Variants in ZYG11B observed in about 807,000 individuals in gnomAD.
ZYG11B encodes protein zyg-11 homolog B.
ZYG11B carries 36 observed loss-of-function variants against 82.4 expected under a neutral mutation model. The ratio of observed to expected loss-of-function variants is 0.44; its 90% CI spans 0.33 to 0.58. The LOEUF (loss-of-function observed/expected upper bound fraction) is 0.58. Ranked by LOEUF, ZYG11B falls within the 20% of genes least tolerant of loss-of-function variation. The pLI is 0.02. For missense variants in ZYG11B, 552 were observed against 895.6 expected (o/e 0.62, Z 4.90); for synonymous variants, 303 against 312.8 (o/e 0.97, Z 0.33).
In ZYG11B at chr1:52,811,048, A is replaced by AT. The variant is rs1162388077; in HGVS notation, c.1696-2488_1696-2487insT. Among the ~76,000 whole-genome samples, 147 of 109,432 alleles carry AT rather than the reference A, an allele frequency of 1.3e-3. 4 individuals are homozygous for AT. In the East Asian group the frequency reaches 0.085, roughly 63 times the overall value. 71.8% of individuals were successfully genotyped at this position (109,432 alleles called of 152,430 possible). On this transcript the variant is annotated intron_variant, in intron 10 of 13. Coordinates refer to ENST00000294353, the MANE Select transcript of ZYG11B (RefSeq NM_024646.3). ...GGCTCCGTCTCAAAAAAAAAAAAAA[A>AT]AAAAGAGAAATTTATCTTTCATATT...
chr1:52,752,972 T>C (rs938594546), intron 1 of ZYG11B, among the ~76,000 whole-genome samples: 8 of 152,002 alleles, frequency 5.3e-5, no homozygotes, highest in East Asian at 1.9e-4. Flanking sequence ...TTCAGCCTCC[T>C]GAATAGCTGG....
At chr1:52,729,325 A>AGTG (rs10643500) in intron 1 of ZYG11B, among the ~76,000 whole-genome samples, 2 of 151,676 alleles carry the variant, frequency 1.3e-5, no homozygotes, top group Non-Finnish European at 2.9e-5. Context: ...GGGAGACAGA[A>AGTG]TTCAGACCAC....
At chr1:52,801,437 A>G (rs12097406) in intron 8 of ZYG11B, among the ~76,000 whole-genome samples, 3,808 of 152,274 alleles carry the variant, frequency 0.025, 165 homozygotes, top group African/African-American at 0.087. Context: ...CAGTACTACA[A>G]TATAGAATAT....
At chr1:52,782,118 T>C (rs1485779766) in intron 4 of ZYG11B, among the ~76,000 whole-genome samples, 1 of 152,036 alleles carries the variant, frequency 6.6e-6, no homozygotes, top group Non-Finnish European at 1.5e-5. Flanking sequence ...CATGCTGGAG[T>C]GCAGTGGCAT....
At chr1:52,816,675 A>C (rs1368133974) in intron 13 of ZYG11B, 46 bp downstream of exon 13, 2 of 1,371,236 alleles carry the variant, frequency 1.5e-6, no homozygotes, top group African/African-American at 2.9e-5. Context: ...TTTAAGTGAA[A>C]TTCTCATTTC....
chr1:52,799,154 G>A (rs1645053194), intron 8 of ZYG11B, among the ~76,000 whole-genome samples: 1 of 151,898 alleles, frequency 6.6e-6, no homozygotes, highest in African/African-American at 2.4e-5. Flanking sequence ...TGTAGATATG[G>A]TTGTAACAAA....
chr1:52,742,377 G>C (rs529152269), intron 1 of ZYG11B, among the ~76,000 whole-genome samples: 1 of 152,160 alleles, frequency 6.6e-6, no homozygotes, highest in East Asian at 1.9e-4. Context: ...TCTTGAGCCT[G>C]GGAAGTCGAG....
intron 1 of ZYG11B, among the ~76,000 whole-genome samples, chr1:52,734,405 G>T (rs1042621090): frequency 6.6e-6 from 1 of 150,898 alleles, no homozygotes; most frequent in Non-Finnish European, 1.5e-5. Flanking sequence ...TTTAATAAGC[G>T]GTAGAAATAG....
In ZYG11B at chr1:52,817,777, G is replaced by GTGTGTATA. The variant is rs1352242565; in HGVS notation, c.2044+1149_2044+1150insGTGTATAT. 3.1e-3 allele frequency among the ~76,000 whole-genome samples: 128 copies of GTGTGTATA among 41,512 alleles called. 3 individuals are homozygous for GTGTGTATA. Among genetic ancestry groups the GTGTGTATA allele is most frequent in the Middle Eastern group, 0.022 (1 of 46 alleles). 27.2% of individuals were successfully genotyped at this position (41,512 alleles called of 152,430 possible). ...AATAGTAAAGTGTGTATATATATGTGTATATATATATATATATATATATAT... is the reference window on the plus strand; with the variant it reads ...AATAGTAAAGTGTGTATATATATGTGTGTGTATATATATATATATATATATATATATAT... On this transcript the variant is annotated intron_variant, in intron 13 of 13. Coordinates refer to ENST00000294353, the MANE Select transcript of ZYG11B (RefSeq NM_024646.3).
At chr1:52,736,733 G>A (rs1452961680) in intron 1 of ZYG11B, among the ~76,000 whole-genome samples, 4 of 151,942 alleles carry the variant, frequency 2.6e-5, no homozygotes, top group South Asian at 2.1e-4. Flanking sequence ...GATGACAGGC[G>A]TGAACCACCA....
intron 10 of ZYG11B, among the ~76,000 whole-genome samples, chr1:52,807,007 T>C (rs1645146483): frequency 6.6e-6 from 1 of 152,082 alleles, no homozygotes; most frequent in African/African-American, 2.4e-5. Context: ...TAGCTGGGAT[T>C]ACAGGCGCCT....
intron 1 of ZYG11B, among the ~76,000 whole-genome samples, chr1:52,730,261 A>G (rs1443158024): frequency 6.6e-6 from 1 of 152,210 alleles, no homozygotes; most frequent in African/African-American, 2.4e-5. Context: ...AATGACAGAT[A>G]GTAAAATAGA....
chr1:52,753,259 C>T (rs571544244), intron 1 of ZYG11B, among the ~76,000 whole-genome samples: 76 of 152,210 alleles, frequency 5.0e-4, no homozygotes, highest in African/African-American at 1.7e-3. Flanking sequence ...ATTGCTGGAT[C>T]GTATTGGTAA....
intron 4 of ZYG11B, among the ~76,000 whole-genome samples, chr1:52,783,043 C>T (rs1375124028): frequency 6.6e-6 from 1 of 151,978 alleles, no homozygotes; most frequent in Non-Finnish European, 1.5e-5. Context: ...TCTTCTGCCT[C>T]AGCCTCCCGA....
intron 10 of ZYG11B, among the ~76,000 whole-genome samples, chr1:52,811,184 T>C (rs774639273): frequency 6.6e-6 from 1 of 152,246 alleles, no homozygotes; most frequent in African/African-American, 2.4e-5. Flanking sequence ...TATTTTGCTT[T>C]GATTTTTTGA....
chr1:52,817,446 C>T (rs1185347562), intron 13 of ZYG11B, among the ~76,000 whole-genome samples: 1 of 151,910 alleles, frequency 6.6e-6, no homozygotes, highest in African/African-American at 2.4e-5. Flanking sequence ...AGCTGGAGTG[C>T]AGTGGCATAG....
At position 52,771,594 on chromosome 1, in the gene ZYG11B, C is replaced by G. The variant is rs1330356672; in HGVS notation, c.771C>G (p.Arg257=). 2 of 1,614,068 alleles carry G rather than the reference C, an allele frequency of 1.2e-6. No homozygotes were observed. Among genetic ancestry groups the G allele is most frequent in the African/African-American group, 2.7e-5 (2 of 74,922 alleles). ...AGTTTACATCAGACATAGCTCTTCG[C>G]TTACTAGAACAAAAAGACATCCTAC... The part of the protein sequence containing the change: ...DKQFTSDIAL[R]LLEQKDILPN... The change falls in exon 3 of 14, where the codon CGC becomes CGG. Residue 257 remains arginine, a synonymous_variant. Transcript: ENST00000294353. This position sits in a 1 kb window ranked among gnomAD's most constrained non-coding sequence, Gnocchi z 5.4.
chr1:52,778,857 C>CAT (rs1644831073), intron 3 of ZYG11B, among the ~76,000 whole-genome samples: 1 of 151,912 alleles, frequency 6.6e-6, no homozygotes, highest in Non-Finnish European at 1.5e-5. Flanking sequence ...TGAAAAGGAG[C>CAT]GTGATAAATC....
intron 2 of ZYG11B, among the ~76,000 whole-genome samples, chr1:52,760,091 C>T (rs778955308): frequency 6.6e-6 from 1 of 152,134 alleles, no homozygotes; most frequent in African/African-American, 2.4e-5. Flanking sequence ...CCTAGGCCTT[C>T]GAAAGTGCTG....
Sources: gnomAD v4.1 joint callset for allele counts (sites outside exome capture counted in the v4.1 genomes callset) on GRCh38, gnomAD v4.1.1 for gene constraint, Gnocchi (gnomAD v3.1) non-coding constraint, MANE v1.5 for transcripts, NCBI Gene and HGNC (gene_info 2026-07-23, HGNC 2026-07-21) for gene names.